UNC5D: variants seen among roughly 807,000 people sequenced by gnomAD.
UNC5D encodes the protein unc-5 netrin receptor D.
A neutral mutation model predicts 105.4 loss-of-function variants in UNC5D; 39 were observed. The observed-to-expected ratio is 0.37, with a 90% CI of 0.29 to 0.48. The LOEUF (loss-of-function observed/expected upper bound fraction) is 0.48, where lower values mean the gene tolerates loss of function less well. Ranked by LOEUF, UNC5D falls within the 20% of genes least tolerant of loss-of-function variation. The pLI, the probability that UNC5D is intolerant of heterozygous loss-of-function variation, is 0.98. For synonymous variants in UNC5D, 452 were observed against 450.4 expected, an observed-to-expected ratio of 1.00 and a Z score of -0.04; for missense variants, 991 against 1,202.4, an observed-to-expected ratio of 0.82 and a Z score of 2.60.
intron 1 of UNC5D, among the ~76,000 whole-genome samples, chr8:35,273,128 C>T (rs567932025): frequency 6.6e-5 from 10 of 152,252 alleles, no homozygotes; most frequent in South Asian, 2.1e-4. Flanking sequence ...GTCTTAAAGA[C>T]GGAATCTGGA....
At chr8:35,448,887 T>A (rs1807967434) in intron 1 of UNC5D, among the ~76,000 whole-genome samples, 1 of 152,108 alleles carries the variant, frequency 6.6e-6, no homozygotes, top group Admixed American at 6.6e-5. Context: ...TTTAATTGTT[T>A]CAATTAAGAT....
At chr8:35,335,193 G>A (rs376004687) in intron 1 of UNC5D, among the ~76,000 whole-genome samples, 1 of 152,124 alleles carries the variant, frequency 6.6e-6, no homozygotes, top group African/African-American at 2.4e-5. Flanking sequence ...ATTGATGGGC[G>A]CTGGGATTGT....
In UNC5D at chr8:35,507,216, C is replaced by T. The variant is rs553868618; in HGVS notation, c.104-42076C>T. ...GACTACAGGCGCCCGCCACTACGCC[C>T]GGCTAAATTTTTGTATTTTTAGTAG... On this transcript the variant is annotated intron_variant, in intron 1 of 16. Transcript: ENST00000404895. Among the ~76,000 whole-genome samples the T allele has an allele frequency of 6.4e-3, 966 of 150,564 alleles. 7 individuals are homozygous for T. Among genetic ancestry groups the T allele is most frequent in the African/African-American group, 0.022 (906 of 40,290 alleles).
intron 4 of UNC5D, among the ~76,000 whole-genome samples, chr8:35,607,595 T>C (rs1162720147): frequency 1.3e-5 from 2 of 152,152 alleles, no homozygotes; most frequent in African/African-American, 2.4e-5. Context: ...GTGGAGATCA[T>C]TGAATCATGT....
chr8:35,767,339 A>C (rs1801819932), intron 15 of UNC5D, among the ~76,000 whole-genome samples: 1 of 152,140 alleles, frequency 6.6e-6, no homozygotes, highest in African/African-American at 2.4e-5. Flanking sequence ...TGATACACAA[A>C]ATCACAAGAA....
chr8:35,747,390 T>C (rs1205602269), intron 11 of UNC5D, among the ~76,000 whole-genome samples: 1 of 152,210 alleles, frequency 6.6e-6, no homozygotes, highest in Non-Finnish European at 1.5e-5. Context: ...TTGGGAAAGA[T>C]GGTATCTTTT....
At chr8:35,527,546 GTTTTCTTT>G (rs1287715777) in intron 1 of UNC5D, among the ~76,000 whole-genome samples, 2 of 151,840 alleles carry the variant, frequency 1.3e-5, no homozygotes, top group Non-Finnish European at 2.9e-5. Flanking sequence ...TGTTTCTCCT[GTTTTCTTT>G]TTTTTTCTTT....
intron 16 of UNC5D, among the ~76,000 whole-genome samples, chr8:35,780,741 T>C (rs571256372): frequency 2.0e-5 from 3 of 152,196 alleles, no homozygotes; most frequent in Non-Finnish European, 2.9e-5. Flanking sequence ...GCTTTCTTGG[T>C]TCTGCAAGTT....
At chr8:35,286,823 A>G (rs1409637783) in intron 1 of UNC5D, among the ~76,000 whole-genome samples, 1 of 152,166 alleles carries the variant, frequency 6.6e-6, no homozygotes, top group Admixed American at 6.5e-5. Context: ...TGGCTGAGTA[A>G]CAACCACAAA....
intron 1 of UNC5D, among the ~76,000 whole-genome samples, chr8:35,497,715 T>C (rs1463550132): frequency 6.6e-6 from 1 of 150,956 alleles, no homozygotes; most frequent in African/African-American, 2.4e-5. Flanking sequence ...ACTCACAACA[T>C]TTTAATGGTT....
chr8:35,552,289 G>A (rs1268053286), intron 2 of UNC5D, among the ~76,000 whole-genome samples: 1 of 152,146 alleles, frequency 6.6e-6, no homozygotes, highest in East Asian at 1.9e-4. Flanking sequence ...TGGCATAGCT[G>A]TTTCAAGGAC....
chr8:35,402,484 C>A (rs940515601), intron 1 of UNC5D, among the ~76,000 whole-genome samples: 1 of 152,078 alleles, frequency 6.6e-6, no homozygotes. Flanking sequence ...GTTTCTCCTG[C>A]AACACGTGGG....
At chr8:35,475,209 GT>G (rs749075501) in intron 1 of UNC5D, among the ~76,000 whole-genome samples, 2 of 152,286 alleles carry the variant, frequency 1.3e-5, no homozygotes, top group Middle Eastern at 3.4e-3. Context: ...GGTACTATCA[GT>G]ATCAGTCAAA....
At chr8:35,737,346 T>C (rs1829530024) in intron 11 of UNC5D, among the ~76,000 whole-genome samples, 1 of 150,948 alleles carries the variant, frequency 6.6e-6, no homozygotes, top group Non-Finnish European at 1.5e-5. Context: ...GAATTCTGGC[T>C]CAGAAACTGA....
At chr8:35,673,612 G>A (rs1824984522) in intron 4 of UNC5D, among the ~76,000 whole-genome samples, 1 of 151,990 alleles carries the variant, frequency 6.6e-6, no homozygotes, top group Admixed American at 6.6e-5. Flanking sequence ...GTTGCCGTGG[G>A]GATCAAATAA....
chr8:35,693,892 G>A (rs1019203236), intron 7 of UNC5D, among the ~76,000 whole-genome samples: 2 of 152,056 alleles, frequency 1.3e-5, no homozygotes, highest in African/African-American at 4.8e-5. Context: ...TATGAGAGAA[G>A]TCAAAATAAA....
At chr8:35,591,595 A>G (rs1196563819) in intron 3 of UNC5D, among the ~76,000 whole-genome samples, 1 of 152,058 alleles carries the variant, frequency 6.6e-6, no homozygotes, top group Non-Finnish European at 1.5e-5. Flanking sequence ...AATTCCTATT[A>G]TATGTAATGT....
At chr8:35,249,089 A>G (rs1369295475) in intron 1 of UNC5D, among the ~76,000 whole-genome samples, 2 of 123,676 alleles carry the variant, frequency 1.6e-5, no homozygotes, top group Non-Finnish European at 3.2e-5. Context: ...AAAGTTATAT[A>G]TAATATATAA....
At chr8:35,623,753 CTGATTTACACATTTTTAAATAAATT>C (rs1194469067) in intron 4 of UNC5D, among the ~76,000 whole-genome samples, 15 of 152,186 alleles carry the variant, frequency 9.9e-5, no homozygotes, top group African/African-American at 3.6e-4. Context: ...AACATGCCAT[CTGATTTACACATTTTTAAATAAATT>C]TGATTTTATA....
Sources: gnomAD v4.1 joint callset for allele counts (sites outside exome capture counted in the v4.1 genomes callset) on GRCh38, gnomAD v4.1.1 for gene constraint, MANE v1.5 for transcripts, NCBI Gene and HGNC (gene_info 2026-07-23, HGNC 2026-07-21) for gene names.